MYO1B: variants seen among roughly 807,000 people sequenced by gnomAD.
MYO1B encodes myosin IB, also known as unconventional myosin-Ib.
In MYO1B, 72 loss-of-function variants were observed where a neutral mutation model predicts 159.7. The observed-to-expected ratio is 0.45, with a 90% CI of 0.37 to 0.55. The LOEUF (loss-of-function observed/expected upper bound fraction) is 0.55. Ranked by LOEUF, MYO1B falls within the 20% of genes least tolerant of loss-of-function variation. MYO1B has a pLI of 0.00. For synonymous variants in MYO1B, 468 were observed against 473.8 expected (o/e 0.99, Z 0.16); for missense variants, 1,062 against 1,364.8 (o/e 0.78, Z 3.50).
intron 1 of MYO1B, among the ~76,000 whole-genome samples, chr2:191,250,841 G>A (rs1397986968): frequency 6.6e-6 from 1 of 152,182 alleles, no homozygotes; most frequent in South Asian, 2.1e-4. Context: ...CTTTGAATGA[G>A]TACTGTGGAG....
chr2:191,405,034 A>G (rs1197078234), intron 24 of MYO1B, among the ~76,000 whole-genome samples: 4 of 152,236 alleles, frequency 2.6e-5, no homozygotes, highest in Non-Finnish European at 5.9e-5. Context: ...TACCCAGTGT[A>G]GAACTTCTTT....
chr2:191,411,286 T>C (rs538268970), intron 27 of MYO1B, 114 bp downstream of exon 27: 12 of 609,036 alleles, frequency 2.0e-5, no homozygotes, highest in Non-Finnish European at 3.5e-5. Flanking sequence ...GATTTTTAGT[T>C]CTGTGAATCA....
At chr2:191,396,064 A>C (rs550840939) in intron 20 of MYO1B, among the ~76,000 whole-genome samples, 1 of 152,338 alleles carries the variant, frequency 6.6e-6, no homozygotes, top group African/African-American at 2.4e-5. Context: ...AAATGACACC[A>C]AGAAGAGAGA....
intron 19 of MYO1B, among the ~76,000 whole-genome samples, 184 bp downstream of exon 19, chr2:191,392,385 C>T (rs748250203): frequency 1.1e-4 from 17 of 152,104 alleles, no homozygotes; most frequent in Non-Finnish European, 2.2e-4. Context: ...TAGAAGAATG[C>T]GTATTTTTTA....
At position 191,305,650 on chromosome 2, in the gene MYO1B, G is replaced by A. The variant is rs534295691; in HGVS notation, c.251+9424G>A. Among the ~76,000 whole-genome samples the A allele has an allele frequency of 2.8e-4, 43 of 152,296 alleles. No homozygotes were observed. The Middle Eastern group carries it at 0.01, about 36-fold the overall frequency. On this transcript the variant is annotated intron_variant, in intron 3 of 30. Coordinates refer to ENST00000392318, the MANE Select transcript of MYO1B (RefSeq NM_001130158.3). ...GGAGACAGACTGATAAATAAATACCGAAGGGAGAAAGCAGCCATAAAAAAG... is the reference window on the plus strand; with the variant it reads ...GGAGACAGACTGATAAATAAATACCAAAGGGAGAAAGCAGCCATAAAAAAG...
intron 4 of MYO1B, among the ~76,000 whole-genome samples, chr2:191,335,689 C>G (rs1691783180): frequency 6.6e-6 from 1 of 152,180 alleles, no homozygotes; most frequent in Non-Finnish European, 1.5e-5. Flanking sequence ...GTGTGCTTGA[C>G]ATATAATATC....
chr2:191,267,051 TCAGA>T, intron 1 of MYO1B, among the ~76,000 whole-genome samples: 1 of 152,270 alleles, frequency 6.6e-6, no homozygotes, highest in South Asian at 2.1e-4. Context: ...TTTTCTATAC[TCAGA>T]CAGAAACAGA....
chr2:191,346,010 G>C (rs1692543077), intron 5 of MYO1B, among the ~76,000 whole-genome samples: 1 of 152,130 alleles, frequency 6.6e-6, no homozygotes, highest in Non-Finnish European at 1.5e-5. Context: ...AATTCCATGA[G>C]TCATAGGAAT....
Position 191,346,296 on chromosome 2 carries a change from TA to T in MYO1B, c.498+16del. 6.4e-7 allele frequency: 1 copy of T among 1,552,478 alleles called. No individual in the cohort carries two copies. Among genetic ancestry groups the T allele is most frequent in the Admixed American group, 1.9e-5 (1 of 51,720 alleles). On this transcript the variant is annotated intron_variant, in intron 6 of 30. Coordinates refer to ENST00000392318, the MANE Select transcript of MYO1B (RefSeq NM_001130158.3). The stretch of plus-strand genomic sequence containing the variant: ...TCCTCTAGATTTGTAAGTATTTGTA[TA>T]AGCATAAGTGTTAACACTAATATTT...
chr2:191,423,805 A>T, intron 30 of MYO1B, 32 bp from the exon 31 acceptor site: 3 of 1,597,290 alleles, frequency 1.9e-6, no homozygotes, highest in Non-Finnish European at 8.5e-7. Flanking sequence ...TGTTTTGTGT[A>T]TACTTTAATT....
chr2:191,378,823 A>T (rs1474630125), intron 13 of MYO1B, among the ~76,000 whole-genome samples: 11 of 152,194 alleles, frequency 7.2e-5, no homozygotes, highest in Non-Finnish European at 1.5e-4. Flanking sequence ...GAGAGATTCA[A>T]CTGAAGAAAG....
chr2:191,250,042 A>G (rs912485913), intron 1 of MYO1B, among the ~76,000 whole-genome samples: 4 of 152,266 alleles, frequency 2.6e-5, no homozygotes, highest in Admixed American at 2.0e-4. Context: ...TTAAGCACAC[A>G]GGTCATGCAA....
rs759307502 is a variant in MYO1B, at chr2:191,362,287, G to T, written c.681G>T (p.Arg227Ser). ...EELLNKLKLE[R>S]DFSRYNYLSL... ...CAATAGATAAACTTAAGCTTGAGAG[G>T]GATTTCAGCAGGTATAACTACCTGA... is the stretch of plus-strand genomic sequence containing the variant. Residue 227 changes from arginine (R) to serine (S), a missense_variant, in exon 9 of 31, where the codon AGG becomes AGT. Arg to Ser is a moderately radical substitution (Grantham distance 110, BLOSUM62 -1). Around this residue, in one of 5 missense-constraint regions of MYO1B, gnomAD observed 415 missense variants for 544.0 expected, o/e 0.76. Transcript: ENST00000392318. The T allele has an allele frequency of 1.2e-6, 2 of 1,613,530 alleles. No individual in the cohort carries two copies. The highest frequency in any genetic ancestry group is 1.3e-5 in the African/African-American group (1 of 74,900).
chr2:191,336,811 T>G (rs1691880544), intron 4 of MYO1B, among the ~76,000 whole-genome samples: 1 of 152,156 alleles, frequency 6.6e-6, no homozygotes. Flanking sequence ...AACTCTGGTC[T>G]AGGGCTCTGA....
At chr2:191,326,791 T>C (rs1691113626) in intron 3 of MYO1B, among the ~76,000 whole-genome samples, 1 of 141,884 alleles carries the variant, frequency 7.0e-6, no homozygotes, top group African/African-American at 3.0e-5. Flanking sequence ...TGTGTGTGTG[T>C]GTGTGTGTGT....
At chr2:191,351,491 G>A (rs1420391313) in intron 7 of MYO1B, among the ~76,000 whole-genome samples, 2 of 152,210 alleles carry the variant, frequency 1.3e-5, no homozygotes, top group African/African-American at 2.4e-5. Flanking sequence ...GATTCAGAGA[G>A]TAACCATCTA....
intron 3 of MYO1B, among the ~76,000 whole-genome samples, chr2:191,303,581 CAG>C (rs968091444): frequency 4.6e-5 from 7 of 152,014 alleles, no homozygotes; most frequent in African/African-American, 1.7e-4. Flanking sequence ...GTGAACAAAA[CAG>C]ATAAAATTCC....
chr2:191,364,365 CTGT>C, intron 11 of MYO1B, 89 bp downstream of exon 11: 1 of 1,030,514 alleles, frequency 9.7e-7, no homozygotes, highest in African/African-American at 1.6e-5. Flanking sequence ...AGTTTACAGG[CTGT>C]TACCTGAATC....
chr2:191,320,329 T>C (rs1195841296), intron 3 of MYO1B, among the ~76,000 whole-genome samples: 1 of 152,176 alleles, frequency 6.6e-6, no homozygotes, highest in African/African-American at 2.4e-5. Flanking sequence ...GTTTATTGAA[T>C]TAAGGAGTAC....
Sources: allele counts gnomAD v4.1 joint callset (sites outside exome capture counted in the v4.1 genomes callset), GRCh38; gene constraint gnomAD v4.1.1; regional missense constraint gnomAD v4.1.1; transcripts MANE v1.5; gene names NCBI Gene and HGNC (gene_info 2026-07-23, HGNC 2026-07-21).